Variants in OXSR1 observed in about 807,000 individuals in gnomAD.
OXSR1 encodes the protein oxidative stress responsive kinase 1.
In OXSR1, 24 loss-of-function variants were observed where a neutral mutation model predicts 79.8. The observed-to-expected ratio is 0.30, with a 90% CI of 0.22 to 0.42. The LOEUF (loss-of-function observed/expected upper bound fraction) is 0.42, where lower values mean the gene tolerates loss of function less well. OXSR1 is among the 10% of genes least tolerant of loss of function. OXSR1 has a pLI of 1.00. For synonymous variants in OXSR1, 226 were observed against 209.2 expected, an observed-to-expected ratio of 1.08 and a Z score of -0.69; for missense variants, 430 against 618.4, an observed-to-expected ratio of 0.70 and a Z score of 3.23.
At chr3:38,203,869 C>CA (rs1702216748) in intron 4 of OXSR1, among the ~76,000 whole-genome samples, 1 of 152,154 alleles carries the variant, frequency 6.6e-6, no homozygotes, top group Non-Finnish European at 1.5e-5. Context: ...GGTCCTAGGG[C>CA]TCTGCAATCA....
chr3:38,241,605 A>G (rs1341191434), intron 11 of OXSR1, among the ~76,000 whole-genome samples: 1 of 152,116 alleles, frequency 6.6e-6, no homozygotes, highest in Non-Finnish European at 1.5e-5. Context: ...TAGGAAAAAT[A>G]TATTTAGAAA....
upstream of OXSR1, among the ~76,000 whole-genome samples, chr3:38,164,401 CTCCCAAAGTGTTGGGAT>C (rs34838315): frequency 2.0e-5 from 3 of 152,324 alleles, no homozygotes; most frequent in Admixed American, 2.0e-4. Context: ...CCGCCTCCGC[CTCCCAAAGTGTTGGGAT>C]TACAGGCGTG....
rs950016842 is a variant in OXSR1, at chr3:38,165,639, G to C, written c.-238G>C. On this transcript the variant is annotated 5_prime_UTR_variant, in exon 1 of 18. Coordinates refer to ENST00000311806, the MANE Select transcript of OXSR1 (RefSeq NM_005109.3). ...GAGGCCGAGGACAGGACGTGGGCTG[G>C]GCCGGGCAGTGCCGGACTCGGAGGA... is the stretch of plus-strand genomic sequence containing the variant. 2 of 516,090 alleles carry C rather than the reference G, an allele frequency of 3.9e-6. No homozygotes were observed. The highest frequency in any genetic ancestry group is 6.8e-6 in the Non-Finnish European group (2 of 293,578). The allele number at this position is 516,090 out of a possible 1,614,324, so 32.0% of individuals were successfully genotyped here.
At chr3:38,247,763 T>C (rs761040151) in intron 14 of OXSR1, 31 bp downstream of exon 14, 1 of 1,451,682 alleles carries the variant, frequency 6.9e-7, no homozygotes, top group East Asian at 2.3e-5. Flanking sequence ...TTGTTTTCTT[T>C]TGTTTTCTGA....
Position 38,217,348 on chromosome 3 carries a change from A to T in OXSR1, c.490+1197A>T, listed in dbSNP as rs1702501453. 3.9e-5 allele frequency among the ~76,000 whole-genome samples: 6 copies of T among 152,332 alleles called. No individual in the cohort carries two copies. In the South Asian group the frequency reaches 1.2e-3, roughly 32 times the overall value. The stretch of plus-strand genomic sequence containing the variant: ...TAAATTGGTACAACCATTTCATTAC[A>T]GTTGAAGATATGCATACTGTTAGAC... On this transcript the variant is annotated intron_variant, in intron 5 of 17. Transcript: ENST00000311806.
Position 38,220,118 on chromosome 3 carries a change from G to A in OXSR1, c.491-1460G>A, listed in dbSNP as rs565666814. 1.5e-4 allele frequency among the ~76,000 whole-genome samples: 22 copies of A among 151,592 alleles called. No individual in the cohort carries two copies. In the East Asian group the frequency reaches 3.7e-3, roughly 25 times the overall value. On this transcript the variant is annotated intron_variant, in intron 5 of 17. Transcript: ENST00000311806. ...CACTGTGCCCAGCCAAGATTATTGT[G>A]TGTTTTTTTTTTATAATTCTAAGTG...
At chr3:38,233,394 C>T (rs1450227726) in intron 10 of OXSR1, among the ~76,000 whole-genome samples, 2 of 152,194 alleles carry the variant, frequency 1.3e-5, no homozygotes, top group African/African-American at 4.8e-5. Context: ...CCACATCACT[C>T]TGCAGTGAAG....
At chr3:38,199,578 A>G (rs1010373692) in intron 4 of OXSR1, among the ~76,000 whole-genome samples, 14 of 152,142 alleles carry the variant, frequency 9.2e-5, no homozygotes, top group African/African-American at 3.4e-4. Flanking sequence ...TCATGATCCT[A>G]TCTAAATAAT....
intron 4 of OXSR1, among the ~76,000 whole-genome samples, chr3:38,204,251 C>A (rs1702225436): frequency 6.6e-6 from 1 of 152,186 alleles, no homozygotes; most frequent in Admixed American, 6.5e-5. Context: ...GTCCTCTGGC[C>A]CAGGGCACGT....
chr3:38,248,874 G>A (rs1312578431), intron 14 of OXSR1, among the ~76,000 whole-genome samples: 1 of 152,104 alleles, frequency 6.6e-6, no homozygotes, highest in Non-Finnish European at 1.5e-5. Flanking sequence ...ACTATGTATA[G>A]CACTCTTCGG....
intron 3 of OXSR1, among the ~76,000 whole-genome samples, chr3:38,194,975 G>C (rs1024643626): frequency 6.6e-6 from 1 of 152,118 alleles, no homozygotes; most frequent in African/African-American, 2.4e-5. Context: ...GTACATCCTG[G>C]TTAAAATAAG....
intron 3 of OXSR1, among the ~76,000 whole-genome samples, chr3:38,196,513 A>G (rs146435987): frequency 6.6e-6 from 1 of 152,308 alleles, no homozygotes; most frequent in Non-Finnish European, 1.5e-5. Flanking sequence ...GGAGTTTGAA[A>G]CTGAAGATAA....
intron 16 of OXSR1, 91 bp downstream of exon 16, chr3:38,251,562 G>C (rs1703257591): frequency 1.1e-6 from 1 of 930,550 alleles, no homozygotes; most frequent in East Asian, 2.4e-5. Flanking sequence ...CACTGAGTAG[G>C]TCTGATGGTT....
At chr3:38,233,357 T>C (rs545551766) in intron 10 of OXSR1, among the ~76,000 whole-genome samples, 54 of 152,266 alleles carry the variant, frequency 3.5e-4, no homozygotes, top group African/African-American at 1.3e-3. Context: ...AACAGAAGTA[T>C]TGACATTGGA....
At chr3:38,214,481 T>C (rs943814591) in intron 4 of OXSR1, among the ~76,000 whole-genome samples, 2 of 151,878 alleles carry the variant, frequency 1.3e-5, no homozygotes, top group African/African-American at 4.8e-5. Flanking sequence ...GAGAAGGGAG[T>C]GACTAAACTA....
chr3:38,224,078 G>A (rs556905964), intron 7 of OXSR1, among the ~76,000 whole-genome samples, 165 bp downstream of exon 7: 59 of 152,040 alleles, frequency 3.9e-4, no homozygotes, highest in African/African-American at 1.4e-3. Flanking sequence ...TATTAAATGC[G>A]TTCATCACGT....
Position 38,216,137 on chromosome 3 carries a change from C to A in OXSR1, c.476C>A (p.Ser159Ter). The change falls in exon 5 of 18, where the codon TCA becomes TAA. Residue 159 changes from serine to a stop codon, truncating the protein, a stop_gained. Coordinates refer to ENST00000311806, the MANE Select transcript of OXSR1 (RefSeq NM_005109.3). LOFTEE classifies it high-confidence loss of function. ...AACATTCTTCTTGGAGAAGATGGCT[C>A]AGTACAGATTGCAGGTAATGATTAG... ...AGNILLGEDG[S>*]VQIADFGVSA... The A allele has an allele frequency of 6.3e-7, 1 of 1,588,016 alleles. No homozygotes were observed. The highest frequency in any genetic ancestry group is 8.6e-7 in the Non-Finnish European group (1 of 1,161,314).
At chr3:38,218,268 C>G (rs145049641) in intron 5 of OXSR1, among the ~76,000 whole-genome samples, 10 of 152,194 alleles carry the variant, frequency 6.6e-5, no homozygotes, top group Admixed American at 2.0e-4. Context: ...ACATTCCCAC[C>G]AAGAGTGCAC....
At chr3:38,224,531 G>A in intron 7 of OXSR1, 40 bp from the exon 8 acceptor site, 1 of 1,512,268 alleles carries the variant, frequency 6.6e-7, no homozygotes, top group South Asian at 1.3e-5. Flanking sequence ...AAACTTTACT[G>A]AGTCATCACA....
Sources: allele counts gnomAD v4.1 joint callset (sites outside exome capture counted in the v4.1 genomes callset), GRCh38; gene constraint gnomAD v4.1.1; transcripts MANE v1.5; gene names NCBI Gene and HGNC (gene_info 2026-07-23, HGNC 2026-07-21).